The following EVI5 variants were observed in gnomAD, a reference collection of about 807,000 sequenced individuals.
EVI5 encodes ecotropic viral integration site 5 protein homolog.
A neutral mutation model predicts 112.0 loss-of-function variants in EVI5; 73 were observed. That is an observed-to-expected ratio of 0.65 (90% confidence interval 0.54 to 0.79). The LOEUF is 0.79. Among genes scored for constraint, EVI5 ranks in the 30% least tolerant of loss-of-function variants. The probability of loss-of-function intolerance (pLI) is 0.00; values close to 1 mark genes in which losing one functional copy is unlikely to be tolerated. For synonymous variants in EVI5, 305 were observed against 319.9 expected (o/e 0.95, Z 0.50); for missense variants, 900 against 968.8 (o/e 0.93, Z 0.94).
chr1:92,788,425 G>T (rs1466882038), upstream of EVI5, among the ~76,000 whole-genome samples: 1 of 151,728 alleles, frequency 6.6e-6, no homozygotes, highest in African/African-American at 2.4e-5. Context: ...AGTGAGCCGA[G>T]ATTGCACCAT....
At chr1:92,711,114 T>C (rs940769532) in intron 2 of EVI5, among the ~76,000 whole-genome samples, 1 of 152,158 alleles carries the variant, frequency 6.6e-6, no homozygotes, top group Non-Finnish European at 1.5e-5. Flanking sequence ...CCAAAAAGGC[T>C]TATCTATAAT....
chr1:92,702,192 C>T lies in EVI5; in HGVS notation c.588G>A (p.Glu196=). The change falls in exon 5 of 20, where the codon GAG becomes GAA. Residue 196 remains glutamate, a synonymous_variant. Transcript: ENST00000684568. The part of the protein sequence containing the change: ...VMKAYSLVDR[E]VGYCQGSAFI... ...AAGCACTTCCTTGACAGTAACCAAC[C>T]TCACGATCTACTAAAGAGTAAGCCT... 1 of 1,510,930 alleles carries T rather than the reference C, an allele frequency of 6.6e-7. No individual in the cohort carries two copies. The highest frequency in any genetic ancestry group is 8.8e-7 in the Non-Finnish European group (1 of 1,134,592). 93.6% of individuals were successfully genotyped at this position (1,510,930 alleles called of 1,614,324 possible).
upstream of EVI5, among the ~76,000 whole-genome samples, chr1:92,787,453 C>G (rs986222061): frequency 1.3e-5 from 2 of 152,136 alleles, no homozygotes; most frequent in African/African-American, 4.8e-5. Context: ...AAGACTGAGC[C>G]AAGCACGGTG....
At chr1:92,686,239 C>T (rs537881735) in intron 9 of EVI5, among the ~76,000 whole-genome samples, 1 of 152,292 alleles carries the variant, frequency 6.6e-6, no homozygotes, top group African/African-American at 2.4e-5. Context: ...AAGGCTGCTT[C>T]AACATACGAA....
intron 5 of EVI5, chr1:92,700,679 T>C (rs1671010201): frequency 6.6e-6 from 1 of 152,032 alleles, no homozygotes; most frequent in African/African-American, 2.4e-5. Context: ...TGTTGAGAGA[T>C]TCAGACCTCA....
intron 9 of EVI5, among the ~76,000 whole-genome samples, chr1:92,678,713 C>T (rs1017170076): frequency 1.3e-5 from 2 of 151,974 alleles, no homozygotes; most frequent in Non-Finnish European, 1.5e-5. Context: ...TTTTATCTTG[C>T]TCTTGACAAA....
At chr1:92,564,616 T>C (rs910394453) in intron 18 of EVI5, among the ~76,000 whole-genome samples, 1 of 152,042 alleles carries the variant, frequency 6.6e-6, no homozygotes, top group East Asian at 1.9e-4. Flanking sequence ...GGGATATAGA[T>C]TGGTGAAGAG....
intron 13 of EVI5, chr1:92,647,540 C>T: frequency 1.9e-6 from 1 of 531,900 alleles, no homozygotes; most frequent in South Asian, 2.1e-5. Context: ...GCAAAATTGA[C>T]AGAGACCTCT....
intron 1 of EVI5, among the ~76,000 whole-genome samples, chr1:92,779,043 G>A (rs1013952088): frequency 1.3e-5 from 2 of 151,978 alleles, no homozygotes; most frequent in African/African-American, 4.8e-5. Flanking sequence ...TTAGACTCTA[G>A]AATATAGGGT....
chr1:92,744,600 T>TCACA (rs961223051), intron 1 of EVI5, among the ~76,000 whole-genome samples: 3 of 28,062 alleles, frequency 1.1e-4, no homozygotes, highest in Middle Eastern at 0.016. Context: ...TCTCTCTCTC[T>TCACA]CACACACACA....
In EVI5 at chr1:92,603,550, TA is replaced by T. The variant is rs543888020; in HGVS notation, c.2070+1756del. Among the ~76,000 whole-genome samples, 1,042 of 152,206 alleles carry T rather than the reference TA, an allele frequency of 6.8e-3. 18 individuals are homozygous for T. The highest frequency in any genetic ancestry group is 0.024 in the African/African-American group (994 of 41,536). On this transcript the variant is annotated intron_variant, in intron 18 of 19. Coordinates refer to ENST00000684568, the MANE Select transcript of EVI5 (RefSeq NM_001350197.2). Reference sequence around the variant, plus strand: ...AATTTGTAAATATACTATAACATTATAAAAAATGGTTTTTCTTTCAATAATA... The same window carrying T: ...AATTTGTAAATATACTATAACATTATAAAAATGGTTTTTCTTTCAATAATA...
At chr1:92,700,551 G>A (rs1253458948) in intron 5 of EVI5, among the ~76,000 whole-genome samples, 2 of 152,084 alleles carry the variant, frequency 1.3e-5, no homozygotes, top group Non-Finnish European at 2.9e-5. Context: ...CTCCAATGGT[G>A]GTAATAATAC....
chr1:92,561,666 A>ATCTATCT (rs1557790996), intron 19 of EVI5, among the ~76,000 whole-genome samples: 15 of 109,626 alleles, frequency 1.4e-4, no homozygotes, highest in African/African-American at 5.0e-4. Flanking sequence ...TCTATCTATC[A>ATCTATCT]GAGTCTCACT....
intron 1 of EVI5, among the ~76,000 whole-genome samples, chr1:92,762,652 T>C (rs541468644): frequency 1.8e-4 from 27 of 152,324 alleles, no homozygotes; most frequent in African/African-American, 6.5e-4. Flanking sequence ...ATTTAAGAAA[T>C]TCTATTAACT....
In EVI5 at chr1:92,703,574, A is replaced by G. The variant is rs1671526641; in HGVS notation, c.385T>C (p.Trp129Arg). The G allele has an allele frequency of 6.3e-7, 1 of 1,595,708 alleles. No homozygotes were observed. Among genetic ancestry groups the G allele is most frequent in the African/African-American group, 1.4e-5 (1 of 73,628 alleles). ...CTTTGTGCACTGCATAAAAGTTGCC[A>G]AACTATTGCTCTAAAGTGATGGGGT... The part of the protein sequence containing the change: ...GIPHHFRAIV[W>R]QLLCSAQSMP... The change falls in exon 4 of 20, where the codon TGG (tryptophan) becomes CGG (arginine). Residue 129 changes from tryptophan to arginine, a missense_variant. Coordinates refer to ENST00000684568, the MANE Select transcript of EVI5 (RefSeq NM_001350197.2).
At chr1:92,753,069 A>C (rs1158554010) in intron 1 of EVI5, among the ~76,000 whole-genome samples, 1 of 151,704 alleles carries the variant, frequency 6.6e-6, no homozygotes, top group African/African-American at 2.4e-5. Context: ...CTTTCTGAGG[A>C]GGCAACGTTT....
intron 19 of EVI5, among the ~76,000 whole-genome samples, chr1:92,518,511 A>C (rs1660343050): frequency 6.6e-6 from 1 of 152,194 alleles, no homozygotes; most frequent in Non-Finnish European, 1.5e-5. Context: ...AAGGTCAACA[A>C]GTCCTACCCA....
At chr1:92,766,326 T>A (rs1682643315) in intron 1 of EVI5, among the ~76,000 whole-genome samples, 1 of 151,742 alleles carries the variant, frequency 6.6e-6, no homozygotes, top group Admixed American at 6.6e-5. Context: ...AAAAAGGATA[T>A]CCACACACAA....
chr1:92,641,340 T>C (rs1460882047), intron 13 of EVI5, among the ~76,000 whole-genome samples: 1 of 152,186 alleles, frequency 6.6e-6, no homozygotes, highest in Non-Finnish European at 1.5e-5. Flanking sequence ...TTTTCATAGG[T>C]AGGTTAGCAA....
Sources: gnomAD v4.1 joint callset for allele counts (sites outside exome capture counted in the v4.1 genomes callset) on GRCh38, gnomAD v4.1.1 for gene constraint, MANE v1.5 for transcripts, NCBI Gene and HGNC (gene_info 2026-07-23, HGNC 2026-07-21) for gene names.